The following AGO2 variants were observed in gnomAD, a reference collection of about 807,000 sequenced individuals.
The protein encoded by AGO2 is protein argonaute-2.
A neutral mutation model predicts 102.3 loss-of-function variants in AGO2; 5 were observed. The observed-to-expected ratio is 0.05, with a 90% CI of 0.03 to 0.10. The LOEUF is 0.10. Ranked by LOEUF, AGO2 falls within the 10% of genes least tolerant of loss-of-function variation. The pLI, the probability that AGO2 is intolerant of heterozygous loss-of-function variation, is 1.00. For synonymous variants in AGO2, 449 were observed against 473.1 expected (o/e 0.95, Z 0.66); for missense variants, 541 against 1,183.7 (o/e 0.46, Z 7.97).
At chr8:140,632,967 C>T (rs2074360029) in intron 1 of AGO2, among the ~76,000 whole-genome samples, 1 of 150,730 alleles carries the variant, frequency 6.6e-6, no homozygotes, top group African/African-American at 2.4e-5. Context: ...GGCTGGAGTG[C>T]AGTGGCGCAA....
In AGO2 at chr8:140,532,036, A is replaced by C; in HGVS notation, c.*8T>G. ...ACTCGGTACACAATCGCTAAACACT[A>C]AAACATGTCAAGCAAAGTACATGGT... On this transcript the variant is annotated 3_prime_UTR_variant, in exon 19 of 19. Transcript: ENST00000220592. 2 of 1,613,398 alleles carry C rather than the reference A, an allele frequency of 1.2e-6. No homozygotes were observed. Among genetic ancestry groups the C allele is most frequent in the Non-Finnish European group, 1.7e-6 (2 of 1,179,366 alleles).
chr8:140,626,117 CG>C (rs56192856), intron 1 of AGO2, among the ~76,000 whole-genome samples: 124,304 of 152,018 alleles, frequency 0.82, 51,207 homozygotes, highest in Admixed American at 0.85. Context: ...GTTCATGGCC[CG>C]GGGGGGCACA....
At chr8:140,574,732 G>T (rs1468631314) in intron 2 of AGO2, among the ~76,000 whole-genome samples, 2 of 152,074 alleles carry the variant, frequency 1.3e-5, no homozygotes, top group African/African-American at 4.8e-5. Context: ...TTTTTACCAG[G>T]AAATGCCAGC....
At chr8:140,586,195 T>C (rs2073652255) in intron 1 of AGO2, among the ~76,000 whole-genome samples, 1 of 152,132 alleles carries the variant, frequency 6.6e-6, no homozygotes, top group African/African-American at 2.4e-5. Context: ...GGGCCAAGGC[T>C]ACAAAAATAA....
intron 10 of AGO2, 157 bp downstream of exon 10, chr8:140,555,739 A>G: frequency 9.3e-7 from 1 of 1,079,944 alleles, no homozygotes; most frequent in Non-Finnish European, 1.3e-6. Flanking sequence ...CCATTCCTTT[A>G]TGAAATCTCA....
intron 1 of AGO2, among the ~76,000 whole-genome samples, chr8:140,611,963 G>A (rs990041202): frequency 1.1e-4 from 16 of 152,206 alleles, no homozygotes; most frequent in African/African-American, 3.4e-4. Flanking sequence ...GGTGGCTCAC[G>A]CCTGTAATCC....
At chr8:140,560,831 G>A (rs567543159) in intron 4 of AGO2, among the ~76,000 whole-genome samples, 6 of 152,298 alleles carry the variant, frequency 3.9e-5, no homozygotes, top group East Asian at 1.9e-4. Flanking sequence ...GCTTTGCCTC[G>A]CCTTACTGTC....
At chr8:140,543,844 T>G (rs1457047383) in intron 14 of AGO2, among the ~76,000 whole-genome samples, 1 of 152,202 alleles carries the variant, frequency 6.6e-6, no homozygotes, top group Non-Finnish European at 1.5e-5. Flanking sequence ...CGGGCCTGTC[T>G]GGGGTTCGGG....
At position 140,532,624 on chromosome 8, in the gene AGO2, G is replaced by A; in HGVS notation, c.2272-9C>T. On this transcript the variant is annotated splice_polypyrimidine_tract_variant and intron_variant, in intron 17 of 18. Transcript: ENST00000220592. ...GAAGGCCTGCTTGTCCCCTAAAGCA[G>A]ATCAGAAGATTAGACAGTTGGACTC... 1 of 1,613,738 alleles carries A rather than the reference G, an allele frequency of 6.2e-7. No homozygotes were observed. The highest frequency in any genetic ancestry group is 1.3e-5 in the African/African-American group (1 of 75,068).
intron 17 of AGO2, among the ~76,000 whole-genome samples, chr8:140,534,099 G>A (rs2072650894): frequency 6.6e-6 from 1 of 152,306 alleles, no homozygotes; most frequent in Admixed American, 6.5e-5. Flanking sequence ...GTGGGCAGCG[G>A]AACGTTCGTC....
chr8:140,552,738 GCGCACACACACACACACA>G lies in AGO2; in HGVS notation c.1270-1320_1270-1303del, dbSNP rs1308902583. On this transcript the variant is annotated intron_variant, in intron 10 of 18. Coordinates refer to ENST00000220592, the MANE Select transcript of AGO2 (RefSeq NM_012154.5). The stretch of plus-strand genomic sequence containing the variant: ...AACACACGCACATGCACGCGCGCGC[GCGCACACACACACACACA>G]CACACACACACACACACTCTTACTA... Among the ~76,000 whole-genome samples the G allele has an allele frequency of 1.5e-3, 149 of 97,414 alleles. 2 individuals carry two copies. The highest frequency in any genetic ancestry group is 6.3e-3 in the African/African-American group (129 of 20,500). 63.9% of individuals were successfully genotyped at this position (97,414 alleles called of 152,430 possible). A position where few individuals can be genotyped will look rare whatever the true frequency, so the allele number is the denominator to read the frequency against.
intron 1 of AGO2, among the ~76,000 whole-genome samples, chr8:140,625,256 C>T (rs1434945577): frequency 6.6e-6 from 1 of 152,220 alleles, no homozygotes; most frequent in East Asian, 1.9e-4. Context: ...CAGGCGCCTG[C>T]CACCATGCCC....
At chr8:140,610,935 T>C (rs1373357017) in intron 1 of AGO2, among the ~76,000 whole-genome samples, 1 of 152,224 alleles carries the variant, frequency 6.6e-6, no homozygotes, top group East Asian at 1.9e-4. Flanking sequence ...TGTGTGTAAA[T>C]CATGATACAA....
rs910866474 is a variant in AGO2 at position 140,539,549 on chromosome 8, G to A, written c.2035-95C>T. The A allele has an allele frequency of 5.3e-5, 75 of 1,416,140 alleles. 1 individual carries two copies. Among genetic ancestry groups the A allele is most frequent in the Admixed American group, 2.8e-4 (13 of 46,932 alleles). The allele number at this position is 1,416,140 out of a possible 1,614,324, so 87.7% of individuals were successfully genotyped here. On this transcript the variant is annotated intron_variant, in intron 15 of 18. Transcript: ENST00000220592. This position sits in a 1 kb window ranked among gnomAD's most constrained non-coding sequence, Gnocchi z 4.7. ...GGTTCTGGGTTGAGAACACCCAGCC[G>A]TGGTGATTCTGAGAGACAATGAGTG... is the stretch of plus-strand genomic sequence containing the variant.
intron 2 of AGO2, among the ~76,000 whole-genome samples, chr8:140,580,431 C>T (rs913000731): frequency 9.2e-5 from 14 of 152,228 alleles, no homozygotes; most frequent in African/African-American, 3.4e-4. Context: ...GCCATCCTTG[C>T]TCTCACAGAG....
chr8:140,623,385 C>T (rs982289300), intron 1 of AGO2, among the ~76,000 whole-genome samples: 6 of 152,104 alleles, frequency 3.9e-5, no homozygotes, highest in Admixed American at 6.5e-5. Flanking sequence ...ACTGTGAATG[C>T]GCTACACGCC....
chr8:140,550,093 G>A (rs547577864), intron 11 of AGO2, among the ~76,000 whole-genome samples: 17 of 152,326 alleles, frequency 1.1e-4, no homozygotes, highest in Admixed American at 6.5e-5. Flanking sequence ...AGGCGACCCT[G>A]TGTTCAGAAC....
chr8:140,605,137 T>G (rs1223203040), intron 1 of AGO2, among the ~76,000 whole-genome samples: 2 of 152,206 alleles, frequency 1.3e-5, no homozygotes, highest in Non-Finnish European at 2.9e-5. Context: ...CCTCTCTTAC[T>G]GAAGCTGGAA....
intron 2 of AGO2, among the ~76,000 whole-genome samples, chr8:140,580,800 C>A (rs143630184): frequency 5.4e-4 from 83 of 152,350 alleles, no homozygotes; most frequent in African/African-American, 1.9e-3. Context: ...TGAGATAGGG[C>A]CTAAAGGTTC....
Sources: gnomAD v4.1 joint callset for allele counts (sites outside exome capture counted in the v4.1 genomes callset) on GRCh38, gnomAD v4.1.1 for gene constraint, Gnocchi (gnomAD v3.1) non-coding constraint, MANE v1.5 for transcripts, NCBI Gene and HGNC (gene_info 2026-07-23, HGNC 2026-07-21) for gene names.